The following VSTM1 variants were observed in gnomAD, a reference collection of about 807,000 sequenced individuals.
The protein encoded by VSTM1 is V-set and transmembrane domain containing 1.
A neutral mutation model predicts 33.1 loss-of-function variants in VSTM1; 27 were observed. The ratio of observed to expected loss-of-function variants is 0.82; its 90% CI spans 0.60 to 1.12. VSTM1 has a LOEUF of 1.12. Ranked by LOEUF, VSTM1 falls within the 50% of genes most tolerant of loss-of-function variation. VSTM1 has a pLI of 0.00. For synonymous variants in VSTM1, 115 were observed against 110.3 expected, an observed-to-expected ratio of 1.04 and a Z score of -0.27; for missense variants, 304 against 288.9, an observed-to-expected ratio of 1.05 and a Z score of -0.38.
chr19:54,049,991 ATTTTTTTTTTTT>A (rs11297678), intron 4 of VSTM1, among the ~76,000 whole-genome samples: 1 of 99,118 alleles, frequency 1.0e-5, no homozygotes, highest in Non-Finnish European at 1.9e-5. Flanking sequence ...TAACTTTTTA[ATTTTTTTTTTTT>A]TTTTTTTTTT....
intron 3 of VSTM1, 37 bp from the exon 4 acceptor site, chr19:54,051,485 T>A: frequency 6.4e-7 from 1 of 1,562,072 alleles, no homozygotes; most frequent in Non-Finnish European, 8.7e-7. Flanking sequence ...ATTACACTAA[T>A]CATACAGGAA....
At chr19:54,059,722 C>T (rs1323138892) in intron 1 of VSTM1, among the ~76,000 whole-genome samples, 2 of 152,104 alleles carry the variant, frequency 1.3e-5, no homozygotes, top group African/African-American at 4.8e-5. Context: ...GATCCACCCG[C>T]CTCAGCCTCC....
At chr19:54,063,501 A>C (rs1190880097) in intron 1 of VSTM1, among the ~76,000 whole-genome samples, 2 of 152,116 alleles carry the variant, frequency 1.3e-5, no homozygotes. Context: ...GCAGACTCGG[A>C]GACCCCACAG....
intron 3 of VSTM1, among the ~76,000 whole-genome samples, chr19:54,058,006 G>A (rs8112468): frequency 2.0e-5 from 3 of 151,604 alleles, no homozygotes; most frequent in South Asian, 2.1e-4. Flanking sequence ...TTTGGGAGGC[G>A]GAGGCAGGTG....
At chr19:54,062,612 T>C (rs1160236738) in intron 1 of VSTM1, among the ~76,000 whole-genome samples, 1 of 151,372 alleles carries the variant, frequency 6.6e-6, no homozygotes, top group Non-Finnish European at 1.5e-5. Context: ...TAATCCCAGC[T>C]TCTCGGGAGG....
chr19:54,058,776 T>C, intron 1 of VSTM1, 44 bp from the exon 2 acceptor site: 1 of 1,599,352 alleles, frequency 6.3e-7, no homozygotes, highest in Non-Finnish European at 8.6e-7. Flanking sequence ...GTGCTTGTCC[T>C]TGAGTACAAA....
chr19:54,054,735 G>C (rs1156778340), intron 3 of VSTM1, among the ~76,000 whole-genome samples: 1 of 139,260 alleles, frequency 7.2e-6, no homozygotes, highest in Non-Finnish European at 1.6e-5. Flanking sequence ...GTGGAAGGAT[G>C]GACAAATGAG....
intron 1 of VSTM1, among the ~76,000 whole-genome samples, chr19:54,062,967 T>C (rs1448518682): frequency 6.6e-6 from 1 of 152,114 alleles, no homozygotes; most frequent in East Asian, 1.9e-4. Flanking sequence ...CGTTTCACAG[T>C]GTGAGCTCTG....
chr19:54,049,991 A>T (rs1438824937), intron 4 of VSTM1, among the ~76,000 whole-genome samples: 2 of 99,120 alleles, frequency 2.0e-5, no homozygotes, highest in Non-Finnish European at 3.9e-5. Context: ...TAACTTTTTA[A>T]TTTTTTTTTT....
intron 1 of VSTM1, among the ~76,000 whole-genome samples, chr19:54,063,372 A>AAATG (rs777212267): frequency 6.6e-6 from 1 of 151,962 alleles, no homozygotes; most frequent in Non-Finnish European, 1.5e-5. Flanking sequence ...ATAAATAAAT[A>AAATG]AGAGAGAGAG....
intron 4 of VSTM1, among the ~76,000 whole-genome samples, chr19:54,042,818 A>ATATATGTGTG (rs1555752478): frequency 3.5e-5 from 2 of 57,908 alleles, no homozygotes; most frequent in African/African-American, 1.1e-4. Flanking sequence ...ATATATATAT[A>ATATATGTGTG]TATATATATA....
intron 1 of VSTM1, among the ~76,000 whole-genome samples, chr19:54,061,698 C>T (rs2071400954): frequency 6.6e-6 from 1 of 152,064 alleles, no homozygotes; most frequent in East Asian, 1.9e-4. Context: ...CACCTGTAGT[C>T]CTAGCTGCTC....
At chr19:54,044,096 G>A (rs1047254870) in intron 4 of VSTM1, among the ~76,000 whole-genome samples, 1 of 152,156 alleles carries the variant, frequency 6.6e-6, no homozygotes, top group Non-Finnish European at 1.5e-5. Flanking sequence ...CAATGAGCTC[G>A]TTGATGCCAG....
At chr19:54,050,581 C>T (rs1212506640) in intron 4 of VSTM1, among the ~76,000 whole-genome samples, 1 of 152,108 alleles carries the variant, frequency 6.6e-6, no homozygotes, top group Non-Finnish European at 1.5e-5. Flanking sequence ...CTGTTTTACA[C>T]ACCAGCTTCT....
chr19:54,044,646 T>C (rs1003113704), intron 4 of VSTM1, among the ~76,000 whole-genome samples: 1 of 152,168 alleles, frequency 6.6e-6, no homozygotes, highest in Non-Finnish European at 1.5e-5. Context: ...TGAGCAATAT[T>C]GCCATGCAAG....
At chr19:54,049,991 A>ATTTTTTT (rs11297678) in intron 4 of VSTM1, among the ~76,000 whole-genome samples, 3 of 99,116 alleles carry the variant, frequency 3.0e-5, no homozygotes, top group Non-Finnish European at 5.8e-5. Flanking sequence ...TAACTTTTTA[A>ATTTTTTT]TTTTTTTTTT....
rs573108869 is a variant in VSTM1, at chr19:54,045,204, A to G, written c.395-2835T>C. 2.6e-5 allele frequency among the ~76,000 whole-genome samples: 4 copies of G among 152,264 alleles called. No individual in the cohort carries two copies. The South Asian group carries it at 8.3e-4, about 32-fold the overall frequency. ...TCTATATATAGAGAATTACCTATCT[A>G]ATTTATCTATCTCGCTAATCTATCT... is the stretch of plus-strand genomic sequence containing the variant. On this transcript the variant is annotated intron_variant, in intron 4 of 8. Transcript: ENST00000338372.
At chr19:54,062,348 G>A (rs1349057775) in intron 1 of VSTM1, among the ~76,000 whole-genome samples, 1 of 152,094 alleles carries the variant, frequency 6.6e-6, no homozygotes. Context: ...GCAGCCATTG[G>A]GGGATGAGGT....
chr19:54,061,637 A>T (rs1449052117), intron 1 of VSTM1, among the ~76,000 whole-genome samples: 1 of 152,134 alleles, frequency 6.6e-6, no homozygotes, highest in Non-Finnish European at 1.5e-5. Flanking sequence ...ATATAGCAAG[A>T]TCCCATCTCT....
Sources: allele counts gnomAD v4.1 joint callset (sites outside exome capture counted in the v4.1 genomes callset), GRCh38; gene constraint gnomAD v4.1.1; transcripts MANE v1.5; gene names NCBI Gene and HGNC (gene_info 2026-07-23, HGNC 2026-07-21).